The following MRTFA variants were observed in gnomAD, a reference collection of about 807,000 sequenced individuals.
MRTFA encodes myocardin-related transcription factor A.
MRTFA carries 20 observed loss-of-function variants against 83.5 expected under a neutral mutation model. The ratio of observed to expected loss-of-function variants is 0.24; its 90% confidence interval spans 0.17 to 0.35. MRTFA has a LOEUF of 0.35. Ranked by LOEUF, MRTFA falls within the 10% of genes least tolerant of loss-of-function variation. MRTFA has a pLI of 1.00. For synonymous variants in MRTFA, 659 were observed against 541.2 expected, an observed-to-expected ratio of 1.22 and a Z score of -3.02; for missense variants, 1,200 against 1,224.7, an observed-to-expected ratio of 0.98 and a Z score of 0.30.
chr22:40,630,669 A>G (rs2056632407), intron 1 of MRTFA, among the ~76,000 whole-genome samples: 1 of 152,126 alleles, frequency 6.6e-6, no homozygotes, highest in South Asian at 2.1e-4. Context: ...AAACTTCTAT[A>G]CTCCAGATTT....
intron 1 of MRTFA, among the ~76,000 whole-genome samples, chr22:40,604,231 C>T (rs1417923730): frequency 6.6e-6 from 1 of 151,324 alleles, no homozygotes; most frequent in Non-Finnish European, 1.5e-5. Flanking sequence ...CCCAGGTTCA[C>T]GCCATTCTCC....
chr22:40,537,016 G>A (rs1222761615), intron 3 of MRTFA, among the ~76,000 whole-genome samples: 2 of 75,872 alleles, frequency 2.6e-5, no homozygotes, highest in South Asian at 3.7e-4. Flanking sequence ...GGGAGGTGGG[G>A]GGGGGTCAGC....
Position 40,421,107 on chromosome 22 carries a change from G to A in MRTFA, c.928-7C>T. The A allele has an allele frequency of 6.6e-7, 1 of 1,521,272 alleles. No individual in the cohort carries two copies. The allele number at this position is 1,521,272 out of a possible 1,614,324, so 94.2% of individuals were successfully genotyped here. ...CAGACTTGGGTTGGCTTTGCTGAGG[G>A]CACAGGAGACAGGGTGCCATTCAGG... On this transcript the variant is annotated splice_polypyrimidine_tract_variant and splice_region_variant and intron_variant, in intron 9 of 14. Coordinates refer to ENST00000355630, the MANE Select transcript of MRTFA (RefSeq NM_020831.6).
chr22:40,564,866 G>A (rs1023435999), intron 2 of MRTFA, among the ~76,000 whole-genome samples: 6 of 152,006 alleles, frequency 3.9e-5, no homozygotes, highest in African/African-American at 1.4e-4. Flanking sequence ...TGCCAGGCTG[G>A]TCTCAAACTC....
At chr22:40,588,027 A>G (rs950689947) in intron 2 of MRTFA, 1 of 143,498 alleles carries the variant, frequency 7.0e-6, no homozygotes. Flanking sequence ...ACACTCCAAC[A>G]TTTTTTTTTT....
intron 3 of MRTFA, among the ~76,000 whole-genome samples, chr22:40,482,335 C>T (rs532475905): frequency 6.6e-6 from 1 of 152,126 alleles, no homozygotes; most frequent in Non-Finnish European, 1.5e-5. Flanking sequence ...AATATTATTC[C>T]CCACATCCTC....
At chr22:40,432,046 G>A (rs2053078602) in intron 5 of MRTFA, among the ~76,000 whole-genome samples, 1 of 152,134 alleles carries the variant, frequency 6.6e-6, no homozygotes, top group Non-Finnish European at 1.5e-5. Flanking sequence ...AGGAGTTTGA[G>A]ACCAGCCTGG....
At chr22:40,437,321 T>C (rs370269045) in intron 4 of MRTFA, among the ~76,000 whole-genome samples, 2 of 152,100 alleles carry the variant, frequency 1.3e-5, no homozygotes, top group Non-Finnish European at 2.9e-5. Flanking sequence ...ACACGTAACC[T>C]TGGCTCTTGG....
chr22:40,443,676 C>T (rs1220134356), intron 4 of MRTFA, among the ~76,000 whole-genome samples: 1 of 152,180 alleles, frequency 6.6e-6, no homozygotes, highest in East Asian at 1.9e-4. Context: ...AAATGGTGGT[C>T]TCATTCCCAC....
At chr22:40,574,021 A>G (rs2055834209) in intron 2 of MRTFA, among the ~76,000 whole-genome samples, 1 of 152,076 alleles carries the variant, frequency 6.6e-6, no homozygotes, top group South Asian at 2.1e-4. Flanking sequence ...AAATCCTGGG[A>G]TTACAGGGAT....
chr22:40,613,082 A>C (rs778121931), intron 1 of MRTFA, among the ~76,000 whole-genome samples: 1 of 152,164 alleles, frequency 6.6e-6, no homozygotes, highest in Non-Finnish European at 1.5e-5. Context: ...AGAACTTCTT[A>C]TAAATGAAAT....
chr22:40,577,329 G>A (rs1340184908), intron 2 of MRTFA, among the ~76,000 whole-genome samples: 1 of 151,260 alleles, frequency 6.6e-6, no homozygotes, highest in African/African-American at 2.4e-5. Flanking sequence ...CCTGATATGA[G>A]TGTATTTCCA....
At chr22:40,465,041 G>A (rs117360065) in intron 3 of MRTFA, among the ~76,000 whole-genome samples, 9,205 of 152,118 alleles carry the variant, frequency 0.061, 364 homozygotes, top group Non-Finnish European at 0.085. Context: ...CTCAAGTACC[G>A]TGAATTTTTT....
chr22:40,630,823 C>T (rs1316200835), intron 1 of MRTFA, among the ~76,000 whole-genome samples: 1 of 152,210 alleles, frequency 6.6e-6, no homozygotes, highest in Non-Finnish European at 1.5e-5. Context: ...CTGTCTCAGC[C>T]TCTCACATGG....
chr22:40,575,878 G>C (rs1157586514), intron 2 of MRTFA, among the ~76,000 whole-genome samples: 2 of 152,264 alleles, frequency 1.3e-5, no homozygotes, highest in East Asian at 1.9e-4. Context: ...TGAGGACTGA[G>C]TGACATACTA....
chr22:40,423,438 C>T, intron 9 of MRTFA, 98 bp downstream of exon 9: 2 of 1,162,718 alleles, frequency 1.7e-6, no homozygotes, highest in Non-Finnish European at 2.3e-6. Context: ...AGACACGCAC[C>T]ACACCCTCTA....
chr22:40,412,040 T>A, intron 14 of MRTFA, 133 bp from the exon 15 acceptor site: 1 of 679,416 alleles, frequency 1.5e-6, no homozygotes, highest in Non-Finnish European at 2.2e-6. Flanking sequence ...TACTTAAATG[T>A]AAGAGCTAAG....
chr22:40,631,229 C>G (rs181101476), intron 1 of MRTFA, among the ~76,000 whole-genome samples: 1 of 152,316 alleles, frequency 6.6e-6, no homozygotes, highest in Admixed American at 6.5e-5. Flanking sequence ...ATGCCTCCTT[C>G]TGCATACTCA....
At chr22:40,484,453 G>A (rs539280826) in intron 3 of MRTFA, among the ~76,000 whole-genome samples, 1 of 152,174 alleles carries the variant, frequency 6.6e-6, no homozygotes, top group African/African-American at 2.4e-5. Context: ...AACTACTGTA[G>A]GATTTTCCCA....
Sources: gnomAD v4.1 joint callset for allele counts (sites outside exome capture counted in the v4.1 genomes callset) on GRCh38, gnomAD v4.1.1 for gene constraint, MANE v1.5 for transcripts, NCBI Gene and HGNC (gene_info 2026-07-23, HGNC 2026-07-21) for gene names.